The following CNIH3 variants were observed in gnomAD, a reference collection of about 807,000 sequenced individuals.
CNIH3 encodes cornichon family AMPA receptor auxiliary protein 3.
In CNIH3, 14 loss-of-function variants were observed where a neutral mutation model predicts 24.1. The observed-to-expected ratio is 0.58, with a 90% confidence interval of 0.38 to 0.91. The LOEUF (loss-of-function observed/expected upper bound fraction) is 0.91, where lower values mean the gene tolerates loss of function less well. CNIH3 is among the 40% of genes least tolerant of loss of function. The pLI, the probability that CNIH3 is intolerant of heterozygous loss-of-function variation, is 0.00. For missense variants in CNIH3, 178 were observed against 196.8 expected (o/e 0.90, Z 0.57); for synonymous variants, 68 against 73.8 (o/e 0.92, Z 0.40).
chr1:224,538,592 T>C (rs1288464908), downstream of CNIH3, among the ~76,000 whole-genome samples: 1 of 152,014 alleles, frequency 6.6e-6, no homozygotes, highest in Non-Finnish European at 1.5e-5. Context: ...CATCGGCCTC[T>C]TTACTACATC....
chr1:224,550,906 A>G (rs1456851442), intron 3 of CNIH3, among the ~76,000 whole-genome samples: 1 of 125,902 alleles, frequency 7.9e-6, no homozygotes, highest in Admixed American at 1.0e-4. Flanking sequence ...TCCTGTGTCC[A>G]TGTGTTCTCA....
intron 3 of CNIH3, among the ~76,000 whole-genome samples, chr1:224,562,147 G>A (rs1474259000): frequency 6.6e-6 from 1 of 151,984 alleles, no homozygotes; most frequent in Non-Finnish European, 1.5e-5. Context: ...CTTTTGTATT[G>A]GGCTTCAACA....
intron 3 of CNIH3, among the ~76,000 whole-genome samples, chr1:224,555,158 C>T (rs1680086391): frequency 6.6e-6 from 1 of 152,126 alleles, no homozygotes; most frequent in Non-Finnish European, 1.5e-5. Flanking sequence ...CTCCATCCTT[C>T]ACATATAAGG....
intron 3 of CNIH3, among the ~76,000 whole-genome samples, chr1:224,709,618 G>A (rs1407389795): frequency 6.6e-6 from 1 of 152,216 alleles, no homozygotes; most frequent in Non-Finnish European, 1.5e-5. Flanking sequence ...TGCAGGAGTA[G>A]AGAAAGAGGA....
chr1:224,610,083 A>G (rs986050904), intron 3 of CNIH3, among the ~76,000 whole-genome samples: 1 of 152,244 alleles, frequency 6.6e-6, no homozygotes, highest in African/African-American at 2.4e-5. Context: ...GATATTCAAT[A>G]CTTTATTATA....
At chr1:224,626,813 GTC>G (rs1192364185) in intron 1 of CNIH3, among the ~76,000 whole-genome samples, 1 of 152,198 alleles carries the variant, frequency 6.6e-6, no homozygotes, top group Non-Finnish European at 1.5e-5. Flanking sequence ...CCGTAGATAT[GTC>G]TATTTATTCT....
At chr1:224,557,750 C>A (rs1680202476) in intron 3 of CNIH3, among the ~76,000 whole-genome samples, 1 of 152,204 alleles carries the variant, frequency 6.6e-6, no homozygotes, top group Admixed American at 6.5e-5. Flanking sequence ...AGCCACCACA[C>A]CTGGCCCTCA....
At chr1:224,445,431 C>T (rs1272144799) in intron 1 of CNIH3, among the ~76,000 whole-genome samples, 2 of 151,822 alleles carry the variant, frequency 1.3e-5, no homozygotes, top group Non-Finnish European at 2.9e-5. Context: ...CGAAAATTAG[C>T]CGGGCGTGGT....
intron 3 of CNIH3, among the ~76,000 whole-genome samples, chr1:224,564,258 C>T (rs1680491774): frequency 6.6e-6 from 1 of 152,204 alleles, no homozygotes; most frequent in Non-Finnish European, 1.5e-5. Context: ...GTGCTAGGCA[C>T]TGGTGGCACA....
At position 224,739,709 on chromosome 1, in the gene CNIH3, C is replaced by G. The variant is rs1364877771; in HGVS notation, c.*353C>G. On this transcript the variant is annotated 3_prime_UTR_variant, in exon 6 of 6. Transcript: ENST00000272133. ...TTCATTGAACAGCACCTTGCAAGTT[C>G]AAATGAGTTCCTGGGAGCGGAGGCT... is the stretch of plus-strand genomic sequence containing the variant. The G allele has an allele frequency of 6.5e-6, 2 of 306,852 alleles. No homozygotes were observed. Among genetic ancestry groups the G allele is most frequent in the African/African-American group, 4.4e-5 (2 of 45,472 alleles). The allele number at this position is 306,852 out of a possible 1,614,324, so 19.0% of individuals were successfully genotyped here. A position where few individuals can be genotyped will look rare whatever the true frequency, so the allele number is the denominator to read the frequency against.
chr1:224,555,710 A>C (rs1680107279), intron 3 of CNIH3, among the ~76,000 whole-genome samples: 1 of 152,244 alleles, frequency 6.6e-6, no homozygotes, highest in Non-Finnish European at 1.5e-5. Flanking sequence ...CTTTTGGTAG[A>C]GATTTCATTA....
intron 3 of CNIH3, among the ~76,000 whole-genome samples, chr1:224,600,001 A>G (rs972323615): frequency 6.6e-6 from 1 of 152,216 alleles, no homozygotes; most frequent in Non-Finnish European, 1.5e-5. Flanking sequence ...CAAATAAGTT[A>G]CTTTCTCATT....
At chr1:224,608,404 A>C (rs983152861) in intron 3 of CNIH3, among the ~76,000 whole-genome samples, 1 of 152,192 alleles carries the variant, frequency 6.6e-6, no homozygotes, top group African/African-American at 2.4e-5. Context: ...CGAGCTCCCC[A>C]AGTGAGCAAT....
chr1:224,530,719 C>T (rs1469835741), intron 2 of CNIH3, among the ~76,000 whole-genome samples: 1 of 152,090 alleles, frequency 6.6e-6, no homozygotes, highest in Non-Finnish European at 1.5e-5. Context: ...CCTGCCTCAG[C>T]CTCCCAAGTA....
At chr1:224,538,222 T>A (rs991939712), downstream of CNIH3, among the ~76,000 whole-genome samples, 2 of 152,180 alleles carry the variant, frequency 1.3e-5, no homozygotes, top group African/African-American at 4.8e-5. Flanking sequence ...GTGCTAGGAT[T>A]ACAGGAGTGA....
Position 224,699,809 on chromosome 1 carries a change from C to T in CNIH3, c.198+14966C>T, listed in dbSNP as rs757968252. On this transcript the variant is annotated intron_variant, in intron 3 of 5. Transcript: ENST00000272133. ...CTCACCCCCTACCTGTCCCACTTGTCAGGGACATGCACTGCACAGGGGATT... is the reference window on the plus strand; with the variant it reads ...CTCACCCCCTACCTGTCCCACTTGTTAGGGACATGCACTGCACAGGGGATT... Among the ~76,000 whole-genome samples, 6 of 152,294 alleles carry T rather than the reference C, an allele frequency of 3.9e-5. No homozygotes were observed. The South Asian group carries it at 6.2e-4, about 16-fold the overall frequency.
Position 224,486,781 on chromosome 1 carries a change from T to TC in CNIH3, n.204-28960_204-28959insC, listed in dbSNP as rs563204525. Among the ~76,000 whole-genome samples, 141 of 152,178 alleles carry TC rather than the reference T, an allele frequency of 9.3e-4. 2 individuals carry two copies. In the East Asian group the frequency reaches 0.022, roughly 24 times the overall value. On this transcript the variant is annotated intron_variant and non_coding_transcript_variant, in intron 1 of 5. Coordinates refer to the CNIH3 transcript ENST00000471578. ...AAATTGAATAACACTACCTTCAAGATGATTGTTTGGATTAGAAATAATGCA... is the reference window on the plus strand; with the variant it reads ...AAATTGAATAACACTACCTTCAAGATCGATTGTTTGGATTAGAAATAATGCA...
intron 4 of CNIH3, chr1:224,575,018 G>A: frequency 1.1e-6 from 1 of 876,906 alleles, no homozygotes; most frequent in African/African-American, 1.6e-5. Context: ...ACCTCACTCA[G>A]GAGAAGTTAA....
At chr1:224,633,960 T>C (rs764309381) in intron 1 of CNIH3, among the ~76,000 whole-genome samples, 3 of 152,286 alleles carry the variant, frequency 2.0e-5, no homozygotes, top group Non-Finnish European at 4.4e-5. Context: ...TGATGTGTTA[T>C]CCATGTGAGC....
Sources: gnomAD v4.1 joint callset for allele counts (sites outside exome capture counted in the v4.1 genomes callset) on GRCh38, gnomAD v4.1.1 for gene constraint, MANE v1.5 for transcripts, NCBI Gene and HGNC (gene_info 2026-07-23, HGNC 2026-07-21) for gene names.